Variants in SGCZ observed in about 807,000 individuals in gnomAD.
SGCZ encodes the protein zeta-sarcoglycan.
Under a neutral mutation model 41.3 loss-of-function variants are expected in SGCZ, and 40 were observed. The observed-to-expected ratio is 0.97, with a 90% confidence interval of 0.75 to 1.26. The LOEUF (loss-of-function observed/expected upper bound fraction) is 1.26, where lower values mean the gene tolerates loss of function less well. SGCZ is among the 50% of genes most tolerant of loss of function. The pLI is 0.00. For synonymous variants in SGCZ, 206 were observed against 137.5 expected (o/e 1.50, Z -3.49); for missense variants, 552 against 369.8 (o/e 1.49, Z -4.04).
intron 1 of SGCZ, among the ~76,000 whole-genome samples, chr8:14,583,314 G>T (rs917409316): frequency 6.6e-6 from 1 of 151,984 alleles, no homozygotes; most frequent in Admixed American, 6.6e-5. Context: ...CTTCTTTTGA[G>T]AAGTGTCTGT....
At chr8:14,234,049 T>C (rs1170718491) in intron 4 of SGCZ, among the ~76,000 whole-genome samples, 1 of 151,988 alleles carries the variant, frequency 6.6e-6, no homozygotes, top group Admixed American at 6.6e-5. Flanking sequence ...ATTAGAATCC[T>C]AGACTTAGTG....
intron 1 of SGCZ, among the ~76,000 whole-genome samples, chr8:14,628,612 G>C (rs1806541719): frequency 6.6e-6 from 1 of 152,050 alleles, no homozygotes; most frequent in Non-Finnish European, 1.5e-5. Flanking sequence ...AGGAGCTCTT[G>C]TCAAATAGCT....
intron 2 of SGCZ, among the ~76,000 whole-genome samples, chr8:14,399,849 T>A (rs1317691445): frequency 1.3e-5 from 2 of 152,130 alleles, no homozygotes; most frequent in Non-Finnish European, 2.9e-5. Flanking sequence ...GAGCTACACT[T>A]TATATGCTAT....
intron 1 of SGCZ, among the ~76,000 whole-genome samples, chr8:14,574,217 C>T (rs1031456992): frequency 2.0e-5 from 3 of 152,054 alleles, no homozygotes; most frequent in African/African-American, 7.2e-5. Context: ...GAAAACGATA[C>T]TCCAAAACGA....
chr8:14,920,162 G>A (rs979908544), intron 1 of SGCZ, among the ~76,000 whole-genome samples: 2 of 152,130 alleles, frequency 1.3e-5, no homozygotes, highest in Non-Finnish European at 2.9e-5. Flanking sequence ...AACTTGGAGT[G>A]CATTTTAGCT....
chr8:14,574,896 A>T (rs889582438), intron 1 of SGCZ, among the ~76,000 whole-genome samples: 1 of 152,242 alleles, frequency 6.6e-6, no homozygotes, highest in African/African-American at 2.4e-5. Flanking sequence ...CTGAAAAAAT[A>T]TGAAATTAAA....
At chr8:14,234,683 G>C (rs1001623831) in intron 4 of SGCZ, among the ~76,000 whole-genome samples, 8 of 151,924 alleles carry the variant, frequency 5.3e-5, no homozygotes, top group Admixed American at 1.3e-4. Flanking sequence ...AATAAGAAAA[G>C]AAATAGACAA....
At chr8:14,185,561 T>C (rs1804876813) in intron 4 of SGCZ, among the ~76,000 whole-genome samples, 1 of 152,226 alleles carries the variant, frequency 6.6e-6, no homozygotes. Flanking sequence ...CACTAGCATC[T>C]GACTCATTCA....
intron 1 of SGCZ, among the ~76,000 whole-genome samples, chr8:14,656,695 CTCTT>C (rs1253344273): frequency 6.6e-6 from 1 of 150,988 alleles, no homozygotes; most frequent in Non-Finnish European, 1.5e-5. Flanking sequence ...CTCTCTTTCA[CTCTT>C]TCTTTCTCCA....
At chr8:14,167,752 C>G (rs963364815) in intron 4 of SGCZ, among the ~76,000 whole-genome samples, 1 of 152,164 alleles carries the variant, frequency 6.6e-6, no homozygotes, top group Non-Finnish European at 1.5e-5. Context: ...AAGCCAATTT[C>G]TTGCTTCTCT....
intron 1 of SGCZ, among the ~76,000 whole-genome samples, chr8:14,774,352 T>G (rs939516311): frequency 6.6e-6 from 1 of 152,188 alleles, no homozygotes; most frequent in Non-Finnish European, 1.5e-5. Flanking sequence ...TACATACTCA[T>G]CCTATTGATT....
intron 2 of SGCZ, among the ~76,000 whole-genome samples, chr8:14,546,862 A>G (rs1040371714): frequency 3.3e-5 from 5 of 152,182 alleles, no homozygotes; most frequent in Non-Finnish European, 5.9e-5. Context: ...CAGAAACTAT[A>G]CAACCCATGC....
At chr8:14,816,283 C>G (rs1280328500) in intron 1 of SGCZ, among the ~76,000 whole-genome samples, 1 of 152,172 alleles carries the variant, frequency 6.6e-6, no homozygotes, top group South Asian at 2.1e-4. Flanking sequence ...CGTATTTCTG[C>G]CTGTTCTATG....
chr8:14,381,138 T>C (rs1184676534), intron 2 of SGCZ, among the ~76,000 whole-genome samples: 1 of 152,154 alleles, frequency 6.6e-6, no homozygotes, highest in East Asian at 1.9e-4. Context: ...TGAACCAGCC[T>C]AAAGATACAA....
intron 1 of SGCZ, among the ~76,000 whole-genome samples, chr8:14,686,119 T>C (rs1441187027): frequency 2.0e-5 from 3 of 152,154 alleles, no homozygotes; most frequent in African/African-American, 2.4e-5. Flanking sequence ...AGGTAGTGCA[T>C]ATAAAAACTC....
chr8:15,219,204 C>T (rs1004234841), intron 1 of SGCZ, among the ~76,000 whole-genome samples: 2 of 152,096 alleles, frequency 1.3e-5, no homozygotes, highest in Non-Finnish European at 2.9e-5. Flanking sequence ...GTTTAACATT[C>T]CTTGAATTCA....
At chr8:14,224,602 C>A (rs77738224) in intron 4 of SGCZ, among the ~76,000 whole-genome samples, 26 of 152,192 alleles carry the variant, frequency 1.7e-4, no homozygotes, top group Non-Finnish European at 3.4e-4. Context: ...TACTTTATTA[C>A]GTTGGCTACG....
chr8:14,433,797 T>C (rs1800011532), intron 2 of SGCZ, among the ~76,000 whole-genome samples: 1 of 152,170 alleles, frequency 6.6e-6, no homozygotes, highest in Non-Finnish European at 1.5e-5. Context: ...ATCAGAATTG[T>C]CTGAATAAAC....
In SGCZ at chr8:15,165,004, T is replaced by G. The variant is rs1441237821; in HGVS notation, c.39+72581A>C. Among the ~76,000 whole-genome samples, 3 of 152,138 alleles carry G rather than the reference T, an allele frequency of 2.0e-5. No individual in the cohort carries two copies. The East Asian group carries it at 5.8e-4, about 29-fold the overall frequency. ...TGTGTGATGTGTGTCAAAAGAGCTC[T>G]AATTAGGCCAGGCGCAGTGGCTCAT... On this transcript the variant is annotated intron_variant, in intron 1 of 7. Coordinates refer to ENST00000382080, the MANE Select transcript of SGCZ (RefSeq NM_139167.4).
Sources: allele counts gnomAD v4.1 joint callset (sites outside exome capture counted in the v4.1 genomes callset), GRCh38; gene constraint gnomAD v4.1.1; transcripts MANE v1.5; gene names NCBI Gene and HGNC (gene_info 2026-07-23, HGNC 2026-07-21).